The following CDIN1 variants were observed in gnomAD, a reference collection of about 807,000 sequenced individuals.
CDIN1 encodes the protein CDAN1-interacting nuclease 1.
In CDIN1, 33 loss-of-function variants were observed where a neutral mutation model predicts 45.3. That is an observed-to-expected ratio of 0.73 (90% CI 0.55 to 0.97). CDIN1 has a LOEUF of 0.97. Ranked by LOEUF, CDIN1 falls within the 50% of genes least tolerant of loss-of-function variation. The pLI, the probability that CDIN1 is intolerant of heterozygous loss-of-function variation, is 0.00. For missense variants in CDIN1, 303 were observed against 339.4 expected (o/e 0.89, Z 0.84); for synonymous variants, 118 against 124.4 (o/e 0.95, Z 0.34).
intron 3 of CDIN1, among the ~76,000 whole-genome samples, chr15:36,646,469 T>A (rs538874049): frequency 6.7e-6 from 1 of 148,914 alleles, no homozygotes; most frequent in African/African-American, 2.5e-5. Context: ...CTAGGAGAGA[T>A]CCTCTCTAAA....
chr15:36,766,289 C>G (rs2053922649), intron 10 of CDIN1, among the ~76,000 whole-genome samples: 1 of 152,126 alleles, frequency 6.6e-6, no homozygotes, highest in Non-Finnish European at 1.5e-5. Flanking sequence ...ACTACGTATT[C>G]TTTATCCAGT....
chr15:36,733,801 G>T (rs1165124870), intron 10 of CDIN1, among the ~76,000 whole-genome samples: 1 of 152,146 alleles, frequency 6.6e-6, no homozygotes, highest in Non-Finnish European at 1.5e-5. Context: ...TCTTTCAATT[G>T]TTCAGCAAAG....
In CDIN1 at chr15:36,579,751, G is replaced by A. The variant is rs1166949296; in HGVS notation, c.-110G>A. The A allele has an allele frequency of 2.5e-5, 20 of 815,092 alleles. No individual in the cohort carries two copies. In the East Asian group the frequency reaches 4.9e-4, roughly 20 times the overall value. The allele number at this position is 815,092 out of a possible 1,614,324, so 50.5% of individuals were successfully genotyped here. Reference sequence around the variant, plus strand: ...GGATTGGGGCAAGCCAAGCAGGCGAGGACCCGGGCCTGTGCCGCTTTGCCT... The same window carrying A: ...GGATTGGGGCAAGCCAAGCAGGCGAAGACCCGGGCCTGTGCCGCTTTGCCT... On this transcript the variant is annotated 5_prime_UTR_variant, in exon 1 of 11. Coordinates refer to ENST00000566621, the MANE Select transcript of CDIN1 (RefSeq NM_001321759.2).
At chr15:36,697,205 C>T in intron 7 of CDIN1, 118 bp from the exon 8 acceptor site, 1 of 791,782 alleles carries the variant, frequency 1.3e-6, no homozygotes, top group Non-Finnish European at 2.1e-6. Context: ...GTAGAGATTT[C>T]ATTCCTCCAA....
At chr15:36,609,710 T>G (rs2038557312) in intron 1 of CDIN1, among the ~76,000 whole-genome samples, 1 of 152,174 alleles carries the variant, frequency 6.6e-6, no homozygotes, top group Non-Finnish European at 1.5e-5. Flanking sequence ...CCAGACCAGG[T>G]AGGAGGTCTG....
chr15:36,627,838 G>T (rs1380155363), intron 1 of CDIN1: 1 of 152,212 alleles, frequency 6.6e-6, no homozygotes, highest in African/African-American at 2.4e-5. Flanking sequence ...GTCAGTGGGC[G>T]GCCCACCAGG....
Position 36,579,746 on chromosome 15 carries a change from G to C in CDIN1, c.-115G>C, listed in dbSNP as rs1397385718. 3 of 782,974 alleles carry C rather than the reference G, an allele frequency of 3.8e-6. No homozygotes were observed. The allele number at this position is 782,974 out of a possible 1,614,324, so 48.5% of individuals were successfully genotyped here. A position where few individuals can be genotyped will look rare whatever the true frequency, so the allele number is the denominator to read the frequency against. ...AGGGGGGATTGGGGCAAGCCAAGCAGGCGAGGACCCGGGCCTGTGCCGCTT... is the reference window on the plus strand; with the variant it reads ...AGGGGGGATTGGGGCAAGCCAAGCACGCGAGGACCCGGGCCTGTGCCGCTT... On this transcript the variant is annotated 5_prime_UTR_variant, in exon 1 of 11. Transcript: ENST00000566621.
Position 36,645,255 on chromosome 15 carries a change from T to C in CDIN1, c.180T>C (p.His60=), listed in dbSNP as rs370588295. 365 of 1,553,354 alleles carry C rather than the reference T, an allele frequency of 2.3e-4. No homozygotes were observed. The highest frequency in any genetic ancestry group is 3.0e-4 in the Non-Finnish European group (348 of 1,147,610). ...KHIKRTHAKH[H]TSEAIESYYQ... ...TTAAAAGAACACATGCCAAACATCA[T>C]ACTTCGGAAGCAATTGAAAGTTATT... The change falls in exon 3 of 11, where the codon CAT becomes CAC. Residue 60 remains histidine (H), a synonymous_variant. Transcript: ENST00000566621.
intron 1 of CDIN1, among the ~76,000 whole-genome samples, chr15:36,605,679 A>C (rs868669362): frequency 6.6e-6 from 1 of 152,206 alleles, no homozygotes; most frequent in East Asian, 1.9e-4. Context: ...ACATCAGTGA[A>C]GGCTTTGCAA....
chr15:36,682,017 A>G (rs1352317848), intron 5 of CDIN1, among the ~76,000 whole-genome samples: 1 of 152,182 alleles, frequency 6.6e-6, no homozygotes, highest in Non-Finnish European at 1.5e-5. Context: ...GTGTTTAAAA[A>G]AATGGAAATC....
At chr15:36,617,850 TAAGAG>T in intron 1 of CDIN1, 1 of 778,564 alleles carries the variant, frequency 1.3e-6, no homozygotes, top group South Asian at 1.3e-5. Context: ...TTTAAATCCT[TAAGAG>T]AAGAAGTTAA....
intron 7 of CDIN1, among the ~76,000 whole-genome samples, chr15:36,694,763 G>A (rs938195458): frequency 6.6e-6 from 1 of 152,148 alleles, no homozygotes; most frequent in Non-Finnish European, 1.5e-5. Context: ...TAATGATGCA[G>A]GAAGCTTCAA....
chr15:36,735,176 T>G (rs1437550075), intron 10 of CDIN1, among the ~76,000 whole-genome samples: 1 of 152,192 alleles, frequency 6.6e-6, no homozygotes, highest in Non-Finnish European at 1.5e-5. Flanking sequence ...GTATATGATT[T>G]GCATGTGTGT....
chr15:36,627,885 A>G (rs1384490282), intron 1 of CDIN1: 1 of 151,548 alleles, frequency 6.6e-6, no homozygotes, highest in Non-Finnish European at 1.5e-5. Context: ...GTGGTCCCAC[A>G]TGCCCAGTGA....
chr15:36,777,050 T>G (rs2054236934), intron 10 of CDIN1, among the ~76,000 whole-genome samples: 1 of 152,186 alleles, frequency 6.6e-6, no homozygotes, highest in Non-Finnish European at 1.5e-5. Flanking sequence ...TAAAGGTTAG[T>G]CTGAATTTGA....
chr15:36,587,841 C>T (rs978938678), intron 1 of CDIN1, among the ~76,000 whole-genome samples: 1 of 152,140 alleles, frequency 6.6e-6, no homozygotes, highest in African/African-American at 2.4e-5. Context: ...AGCAGGATAT[C>T]AAACCCAAGT....
chr15:36,626,115 TG>T (rs2039412055), intron 1 of CDIN1, among the ~76,000 whole-genome samples: 1 of 151,414 alleles, frequency 6.6e-6, no homozygotes. Context: ...TAAAATTGCA[TG>T]TATTAAATAT....
chr15:36,759,325 A>G (rs576498244), intron 10 of CDIN1, among the ~76,000 whole-genome samples: 2 of 152,264 alleles, frequency 1.3e-5, no homozygotes, highest in South Asian at 4.1e-4. Flanking sequence ...TCCCCTGAAA[A>G]TGCAACCTGC....
At chr15:36,803,505 G>A (rs1251091988) in intron 10 of CDIN1, among the ~76,000 whole-genome samples, 1 of 152,068 alleles carries the variant, frequency 6.6e-6, no homozygotes, top group African/African-American at 2.4e-5. Flanking sequence ...GTATGCATTG[G>A]TTCAATTTTT....
Sources: gnomAD v4.1 joint callset for allele counts (sites outside exome capture counted in the v4.1 genomes callset) on GRCh38, gnomAD v4.1.1 for gene constraint, MANE v1.5 for transcripts, NCBI Gene and HGNC (gene_info 2026-07-23, HGNC 2026-07-21) for gene names.